Variants in C1orf232 observed in about 807,000 individuals in gnomAD.
The protein encoded by C1orf232 is uncharacterized protein C1orf232.
A neutral mutation model predicts 12.1 loss-of-function variants in C1orf232; 10 were observed. The ratio of observed to expected loss-of-function variants is 0.82; its 90% CI spans 0.51 to 1.40. The LOEUF (loss-of-function observed/expected upper bound fraction) is 1.40, where lower values mean the gene tolerates loss of function less well. Among genes scored for constraint, C1orf232 ranks in the 40% most tolerant of loss-of-function variants. C1orf232 has a pLI of 0.00. For missense variants in C1orf232, 88 were observed against 98.4 expected, an observed-to-expected ratio of 0.89 and a Z score of 0.45; for synonymous variants, 36 against 39.8, an observed-to-expected ratio of 0.90 and a Z score of 0.36.
chr1:26,168,412 C>T lies in C1orf232; in HGVS notation c.84+4G>A. 1 of 1,231,886 alleles carries T rather than the reference C, an allele frequency of 8.1e-7. No individual in the cohort carries two copies. The highest frequency in any genetic ancestry group is 1.0e-6 in the Non-Finnish European group (1 of 988,050). The allele number at this position is 1,231,886 out of a possible 1,614,324, so 76.3% of individuals were successfully genotyped here. A position where few individuals can be genotyped will look rare whatever the true frequency, so the allele number is the denominator to read the frequency against. On this transcript the variant is annotated splice_donor_region_variant and intron_variant, in intron 1 of 3. Coordinates refer to ENST00000634842, the MANE Select transcript of C1orf232 (RefSeq NM_001364669.2). ...TCCACCCACCATGCATGGATGGCACCCACCTCCTCTGCCAGGTCTTCTTCA... is the reference window on the plus strand; with the variant it reads ...TCCACCCACCATGCATGGATGGCACTCACCTCCTCTGCCAGGTCTTCTTCA...
At chr1:26,165,586 G>T in intron 3 of C1orf232, 1 of 580,896 alleles carries the variant, frequency 1.7e-6, no homozygotes, top group Non-Finnish European at 2.5e-6. Context: ...GGTCGTGAGA[G>T]CCCATAAATA....
At position 26,165,314 on chromosome 1, in the gene C1orf232, C is replaced by T. The variant is rs907613961; in HGVS notation, c.266+512G>A. 3.3e-5 allele frequency among the ~76,000 whole-genome samples: 5 copies of T among 152,218 alleles called. No individual in the cohort carries two copies. In the South Asian group the frequency reaches 8.3e-4, roughly 25 times the overall value. Reference sequence around the variant, plus strand: ...CCCGCTAATCCTTGGCCTCAAAGACCTCAGACGGTGGTTCCCAAAGCTGCA... The same window carrying T: ...CCCGCTAATCCTTGGCCTCAAAGACTTCAGACGGTGGTTCCCAAAGCTGCA... On this transcript the variant is annotated intron_variant, in intron 3 of 3. Transcript: ENST00000634842.
Position 26,165,897 on chromosome 1 carries a change from C to T in C1orf232, c.195G>A (p.Trp65Ter). 1 of 1,231,766 alleles carries T rather than the reference C, an allele frequency of 8.1e-7. No individual in the cohort carries two copies. The allele number at this position is 1,231,766 out of a possible 1,614,324, so 76.3% of individuals were successfully genotyped here. ...RRVQGVGVKG[W>*]LTMSSLFNKE... ...TGTTAAACAGAGATGACATTGTCAG[C>T]CAGCCTTTCACCCCGACCCCCTGAA... Residue 65 changes from tryptophan (W) to a stop codon, truncating the protein, a stop_gained, in exon 3 of 4, where the codon TGG becomes TGA. Transcript: ENST00000634842. LOFTEE classifies it high-confidence loss of function.
In C1orf232 at chr1:26,165,602, T is replaced by G. The variant is rs529132757; in HGVS notation, c.266+224A>C. ...GTCGTGAGAGCCCATAAATACCTTC[T>G]AGCACCTCAATCCCAACAGCTGGTC... On this transcript the variant is annotated intron_variant, in intron 3 of 3. Coordinates refer to ENST00000634842, the MANE Select transcript of C1orf232 (RefSeq NM_001364669.2). 1.0e-3 allele frequency: 770 copies of G among 738,304 alleles called. 1 individual carries two copies. The highest frequency in any genetic ancestry group is 7.9e-3 in the Middle Eastern group (18 of 2,266). 45.7% of individuals were successfully genotyped at this position (738,304 alleles called of 1,614,324 possible). A position where few individuals can be genotyped will look rare whatever the true frequency, so the allele number is the denominator to read the frequency against.
Position 26,164,996 on chromosome 1 carries a change from G to A in C1orf232, c.267-541C>T, listed in dbSNP as rs549657270. ...AGGCCTAGGTCAGAGGCTTAGGGGA[G>A]AGCGCGGGACTCAAGAGAAGTGGGA... On this transcript the variant is annotated intron_variant, in intron 3 of 3. Transcript: ENST00000634842. The surrounding 1 kb of genome is among the most constrained non-coding windows in gnomAD (Gnocchi z 4.2). Among the ~76,000 whole-genome samples, 6 of 152,098 alleles carry A rather than the reference G, an allele frequency of 3.9e-5. No homozygotes were observed. Among genetic ancestry groups the A allele is most frequent in the African/African-American group, 1.4e-4 (6 of 41,470 alleles).
rs1363121478 is a variant in C1orf232, at chr1:26,168,947, C to T, written c.-448G>A. ...AGCAGGGCTCCACCCTGTGTCCCTA[C>T]TTAGCCTCAATGAACTGGAGCAGGA... On this transcript the variant is annotated 5_prime_UTR_variant, in exon 1 of 4. Transcript: ENST00000634842. Among the ~76,000 whole-genome samples, 1 of 152,226 alleles carries T rather than the reference C, an allele frequency of 6.6e-6. No homozygotes were observed. Among genetic ancestry groups the T allele is most frequent in the Admixed American group, 6.5e-5 (1 of 15,280 alleles).
At chr1:26,167,943 G>GTTGT (rs1056124167) in intron 1 of C1orf232, among the ~76,000 whole-genome samples, 1 of 152,138 alleles carries the variant, frequency 6.6e-6, no homozygotes, top group Admixed American at 6.5e-5. Flanking sequence ...TTTTGTTGTT[G>GTTGT]TTGTTTGTTT....
intron 1 of C1orf232, among the ~76,000 whole-genome samples, 186 bp downstream of exon 1, chr1:26,168,230 C>T (rs1360303655): frequency 6.6e-6 from 1 of 152,162 alleles, no homozygotes; most frequent in Non-Finnish European, 1.5e-5. Flanking sequence ...TAAGTCTTTT[C>T]TTCCTCAGTT....
intron 3 of C1orf232, 172 bp downstream of exon 3, chr1:26,165,654 T>C: frequency 2.6e-6 from 3 of 1,138,936 alleles, no homozygotes; most frequent in Non-Finnish European, 3.3e-6. Context: ...TACCCTAATC[T>C]CCCAGATATG....
rs1260804911 is a variant in C1orf232, at chr1:26,164,658, C to T, written c.267-203G>A. Among the ~76,000 whole-genome samples the T allele has an allele frequency of 2.0e-5, 3 of 151,106 alleles. No homozygotes were observed. The highest frequency in any genetic ancestry group is 7.3e-5 in the African/African-American group (3 of 41,018). On this transcript the variant is annotated intron_variant, in intron 3 of 3. Coordinates refer to ENST00000634842, the MANE Select transcript of C1orf232 (RefSeq NM_001364669.2). This position sits in a 1 kb window ranked among gnomAD's most constrained non-coding sequence, Gnocchi z 4.2. ...GAGGCAAGGGGAGGGCTCAGAGGCC[C>T]TGGGAAAGGGGTCTGGGGTGGGACA... is the stretch of plus-strand genomic sequence containing the variant.
chr1:26,165,261 A>T (rs1396192223), intron 3 of C1orf232, among the ~76,000 whole-genome samples: 1 of 152,102 alleles, frequency 6.6e-6, no homozygotes, highest in African/African-American at 2.4e-5. Flanking sequence ...AGATAGAGCC[A>T]GGAGGGAGAC....
At position 26,168,381 on chromosome 1, in the gene C1orf232, A is replaced by C. The variant is rs891834403; in HGVS notation, c.84+35T>G. On this transcript the variant is annotated intron_variant, in intron 1 of 3. Coordinates refer to ENST00000634842, the MANE Select transcript of C1orf232 (RefSeq NM_001364669.2). The stretch of plus-strand genomic sequence containing the variant: ...CTGCTCATTCCTGCTGCCCCTCTGC[A>C]CATGCTCCACCCACCATGCATGGAT... 7 of 1,221,448 alleles carry C rather than the reference A, an allele frequency of 5.7e-6. No individual in the cohort carries two copies. The South Asian group carries it at 2.1e-4, about 36-fold the overall frequency. 75.7% of individuals were successfully genotyped at this position (1,221,448 alleles called of 1,614,324 possible).
At chr1:26,166,795 GAC>G (rs1223059150) in intron 1 of C1orf232, among the ~76,000 whole-genome samples, 2 of 152,112 alleles carry the variant, frequency 1.3e-5, no homozygotes, top group East Asian at 1.9e-4. Flanking sequence ...CCTATACAAG[GAC>G]ACACACAGTT....
Position 26,168,874 on chromosome 1 carries a change from G to A in C1orf232, c.-375C>T, listed in dbSNP as rs1304766635. Among the ~76,000 whole-genome samples, 1 of 152,170 alleles carries A rather than the reference G, an allele frequency of 6.6e-6. No individual in the cohort carries two copies. Among genetic ancestry groups the A allele is most frequent in the Non-Finnish European group, 1.5e-5 (1 of 68,022 alleles). ...CCATTCACAAAATCCTGAGGTCTGG[G>A]ACCCACACTGGAGCCCCTGTGACTG... On this transcript the variant is annotated 5_prime_UTR_variant, in exon 1 of 4. Transcript: ENST00000634842.
intron 3 of C1orf232, 49 bp downstream of exon 3, chr1:26,165,777 G>T: frequency 8.1e-7 from 1 of 1,231,800 alleles, no homozygotes; most frequent in South Asian, 4.1e-5. Flanking sequence ...CAGGCAGAAG[G>T]GGGACCTCAG....
At chr1:26,165,085 A>G (rs1412671061) in intron 3 of C1orf232, among the ~76,000 whole-genome samples, 1 of 124,340 alleles carries the variant, frequency 8.0e-6, no homozygotes, top group African/African-American at 3.1e-5. Context: ...CCTCAAGTCC[A>G]GGAAGTTCCT....
chr1:26,165,842 C>G lies in C1orf232; in HGVS notation c.250G>C (p.Glu84Gln). The G allele has an allele frequency of 8.9e-6, 11 of 1,231,766 alleles. No individual in the cohort carries two copies. Among genetic ancestry groups the G allele is most frequent in the African/African-American group, 1.6e-5 (1 of 64,502 alleles). The allele number at this position is 1,231,766 out of a possible 1,614,324, so 76.3% of individuals were successfully genotyped here. ...CGCACATACTGGTCAGCGCAAGGCT[C>G]TGATGGCAGCAGCTTATCTTCATCT... ...KEDEDKLLPS[E>Q]PCADHPLAAR... The change falls in exon 3 of 4, where the codon GAG (glutamate) becomes CAG (glutamine). Residue 84 changes from glutamate to glutamine, a missense_variant. Transcript: ENST00000634842.
rs1203685943 is a variant in C1orf232 at position 26,168,905 on chromosome 1, A to G, written c.-406T>C. ...CACTGGAGCCCCTGTGACTGTAGTC[A>G]TACTAGTTGTGTCCTCAGCAGGGCT... On this transcript the variant is annotated 5_prime_UTR_variant, in exon 1 of 4. The change abolishes an upstream ATG in the 5' untranslated region. Coordinates refer to ENST00000634842, the MANE Select transcript of C1orf232 (RefSeq NM_001364669.2). Among the ~76,000 whole-genome samples the G allele has an allele frequency of 6.6e-6, 1 of 152,192 alleles. No homozygotes were observed. Among genetic ancestry groups the G allele is most frequent in the African/African-American group, 2.4e-5 (1 of 41,446 alleles).
rs2088422613 is a variant in C1orf232, at chr1:26,166,048, T to A, written c.155A>T (p.Gln52Leu). 1 of 1,231,622 alleles carries A rather than the reference T, an allele frequency of 8.1e-7. No individual in the cohort carries two copies. The highest frequency in any genetic ancestry group is 1.6e-5 in the African/African-American group (1 of 64,372). 76.3% of individuals were successfully genotyped at this position (1,231,622 alleles called of 1,614,324 possible). ...PTEETFNPMS[Q>L]LARRVQGVGV... ...GAGAATACTCACCCGGCGGGCCAGC[T>A]GTGACATGGGATTGAAGGTCTCCTC... The change falls in exon 2 of 4, where the codon CAG becomes CTG. Residue 52 changes from glutamine (Q) to leucine (L), a missense_variant. Coordinates refer to ENST00000634842, the MANE Select transcript of C1orf232 (RefSeq NM_001364669.2).
Sources: allele counts gnomAD v4.1 joint callset (sites outside exome capture counted in the v4.1 genomes callset), GRCh38; gene constraint gnomAD v4.1.1; non-coding constraint Gnocchi (gnomAD v3.1); transcripts MANE v1.5; gene names NCBI Gene and HGNC (gene_info 2026-07-23, HGNC 2026-07-21).